The following RNF19A variants were observed in gnomAD, a reference collection of about 807,000 sequenced individuals.
RNF19A encodes the protein E3 ubiquitin-protein ligase RNF19A.
Under a neutral mutation model 75.7 loss-of-function variants are expected in RNF19A, and 32 were observed. The observed-to-expected ratio is 0.42, with a 90% CI of 0.32 to 0.57. The LOEUF (loss-of-function observed/expected upper bound fraction) is 0.57. RNF19A is among the 20% of genes least tolerant of loss of function. The pLI is 0.10. For synonymous variants in RNF19A, 335 were observed against 345.2 expected (o/e 0.97, Z 0.33); for missense variants, 782 against 1,036.3 (o/e 0.75, Z 3.37).
intron 1 of RNF19A, among the ~76,000 whole-genome samples, chr8:100,298,052 C>T (rs1660334): frequency 0.69 from 105,229 of 151,948 alleles, 37,499 homozygotes; most frequent in African/African-American, 0.87. Context: ...ACAGTACCTA[C>T]AGTCCATAGA....
chr8:100,334,781 C>T (rs1183964509), intron 1 of RNF19A, among the ~76,000 whole-genome samples: 1 of 152,160 alleles, frequency 6.6e-6, no homozygotes, highest in African/African-American at 2.4e-5. Context: ...TAGAACTGGC[C>T]AGAGACTCCA....
Position 100,300,437 on chromosome 8 carries a change from C to T in RNF19A, c.-94+9430G>A, listed in dbSNP as rs2439460. On this transcript the variant is annotated intron_variant, in intron 1 of 9. Transcript: ENST00000341084. ...GGGAGGACAAGGCAGGCAGATTACTCGAAATTAGGAGTTCAAGAGCAGCCT... is the reference window on the plus strand; with the variant it reads ...GGGAGGACAAGGCAGGCAGATTACTTGAAATTAGGAGTTCAAGAGCAGCCT... 0.46 allele frequency: 69,891 copies of T among 151,872 alleles called. 17,001 individuals carry two copies. Among genetic ancestry groups the T allele is most frequent in the African/African-American group, 0.63 (26,082 of 41,412 alleles). The allele number at this position is 151,872 out of a possible 1,614,324, so 9.4% of individuals were successfully genotyped here.
intron 1 of RNF19A, among the ~76,000 whole-genome samples, chr8:100,293,272 T>A (rs1821394658): frequency 6.6e-6 from 1 of 152,228 alleles, no homozygotes; most frequent in Non-Finnish European, 1.5e-5. Flanking sequence ...TCCATTAGCA[T>A]TTTTTGATAT....
At chr8:100,314,185 A>G (rs1434437565), upstream of RNF19A, among the ~76,000 whole-genome samples, 2 of 150,940 alleles carry the variant, frequency 1.3e-5, no homozygotes, top group Non-Finnish European at 3.0e-5. This position sits in a 1 kb window ranked among gnomAD's most constrained non-coding sequence, Gnocchi z 4.1. Flanking sequence ...CCAGCCGAGA[A>G]CTACTCTTTA....
chr8:100,262,538 CAA>C (rs552663588), intron 7 of RNF19A, among the ~76,000 whole-genome samples: 25 of 152,210 alleles, frequency 1.6e-4, no homozygotes, highest in Admixed American at 5.9e-4. Context: ...AAGAGGGTGA[CAA>C]GAGATGAGCT....
At chr8:100,327,647 G>A (rs760704081) in intron 1 of RNF19A, among the ~76,000 whole-genome samples, 13 of 152,182 alleles carry the variant, frequency 8.5e-5, no homozygotes, top group Admixed American at 2.0e-4. Flanking sequence ...CATAACCTGG[G>A]AAATCCTGAG....
intron 1 of RNF19A, among the ~76,000 whole-genome samples, chr8:100,335,183 T>C (rs1822663189): frequency 2.0e-5 from 3 of 152,218 alleles, no homozygotes; most frequent in Admixed American, 2.0e-4. Context: ...CTCCCCTATT[T>C]ATATAAGAAC....
At chr8:100,334,901 G>A (rs1019511571) in intron 1 of RNF19A, among the ~76,000 whole-genome samples, 10 of 152,166 alleles carry the variant, frequency 6.6e-5, no homozygotes, top group Admixed American at 6.5e-5. Flanking sequence ...TGCTCTGAAG[G>A]TTGCCTTTCA....
At chr8:100,303,243 C>T (rs1821919618) in intron 1 of RNF19A, 1 of 152,222 alleles carries the variant, frequency 6.6e-6, no homozygotes, top group Non-Finnish European at 1.5e-5. Flanking sequence ...TTGACTCTTC[C>T]AGCTTCTGGT....
intron 3 of RNF19A, among the ~76,000 whole-genome samples, chr8:100,274,574 G>GCCT (rs1820411920): frequency 6.6e-6 from 1 of 152,006 alleles, no homozygotes; most frequent in Non-Finnish European, 1.5e-5. Flanking sequence ...TAGTAGAGAT[G>GCCT]GGGTTTCACC....
chr8:100,313,227 A>G (rs1480622222), upstream of RNF19A: 1 of 640,014 alleles, frequency 1.6e-6, no homozygotes. Flanking sequence ...ATCCGTTTGC[A>G]TGGTGCTTAC....
intron 1 of RNF19A, among the ~76,000 whole-genome samples, chr8:100,293,728 A>G (rs1821415637): frequency 6.6e-6 from 1 of 151,972 alleles, no homozygotes; most frequent in Admixed American, 6.6e-5. Context: ...CTGGAATTCT[A>G]ATTATTTGTA....
At chr8:100,283,034 G>A (rs145872722) in intron 2 of RNF19A, among the ~76,000 whole-genome samples, 2 of 152,322 alleles carry the variant, frequency 1.3e-5, no homozygotes, top group Non-Finnish European at 2.9e-5. Flanking sequence ...TATTGAGCAT[G>A]AGGTTAGCCT....
At chr8:100,292,286 A>G (rs1380646160) in intron 1 of RNF19A, among the ~76,000 whole-genome samples, 1 of 152,232 alleles carries the variant, frequency 6.6e-6, no homozygotes, top group Non-Finnish European at 1.5e-5. Flanking sequence ...TTGCTTTGAT[A>G]GCAAAGATAT....
In RNF19A at chr8:100,287,377, G is replaced by T. The variant is rs1028715995; in HGVS notation, c.674+124C>A. 9.1e-6 allele frequency: 7 copies of T among 765,928 alleles called. No homozygotes were observed. The highest frequency in any genetic ancestry group is 1.3e-5 in the Non-Finnish European group (6 of 479,138). The allele number at this position is 765,928 out of a possible 1,614,324, so 47.4% of individuals were successfully genotyped here. A position where few individuals can be genotyped will look rare whatever the true frequency, so the allele number is the denominator to read the frequency against. On this transcript the variant is annotated intron_variant, in intron 2 of 9. Transcript: ENST00000341084. This position sits in a 1 kb window ranked among gnomAD's most constrained non-coding sequence, Gnocchi z 4.1. ...TAGCATAGTGCCTGACATATGGTGTGCACTCAACATGTCTGTTGAATGAAT... is the reference window on the plus strand; with the variant it reads ...TAGCATAGTGCCTGACATATGGTGTTCACTCAACATGTCTGTTGAATGAAT...
At chr8:100,308,230 T>C (rs1329519024) in intron 1 of RNF19A, among the ~76,000 whole-genome samples, 2 of 152,224 alleles carry the variant, frequency 1.3e-5, no homozygotes, top group South Asian at 2.1e-4. Flanking sequence ...ATTAAAATAT[T>C]TTCCATGGAC....
chr8:100,291,987 T>TC (rs1468326629), intron 1 of RNF19A, among the ~76,000 whole-genome samples: 2 of 145,820 alleles, frequency 1.4e-5, no homozygotes, highest in Non-Finnish European at 3.0e-5. Flanking sequence ...TTTTTTTTTT[T>TC]TTCAAGTAAA....
chr8:100,298,384 T>C (rs1821671751), intron 1 of RNF19A, among the ~76,000 whole-genome samples: 2 of 152,352 alleles, frequency 1.3e-5, no homozygotes, highest in African/African-American at 4.8e-5. Flanking sequence ...AGTGGTCTAA[T>C]ATTAAAAATG....
chr8:100,314,145 G>C (rs1408044269), upstream of RNF19A, among the ~76,000 whole-genome samples: 1 of 151,878 alleles, frequency 6.6e-6, no homozygotes, highest in Admixed American at 6.6e-5. The surrounding 1 kb of genome is among the most constrained non-coding windows in gnomAD (Gnocchi z 4.1). Flanking sequence ...GCCTTACAAA[G>C]TGCTGGGATT....
Sources: gnomAD v4.1 joint callset for allele counts (sites outside exome capture counted in the v4.1 genomes callset) on GRCh38, gnomAD v4.1.1 for gene constraint, Gnocchi (gnomAD v3.1) non-coding constraint, MANE v1.5 for transcripts, NCBI Gene and HGNC (gene_info 2026-07-23, HGNC 2026-07-21) for gene names.